AKAP19: variants seen among roughly 807,000 people sequenced by gnomAD.
The protein encoded by AKAP19 is small A-kinase anchoring protein.
the AKAP19 span, among the ~76,000 whole-genome samples, chr2:190,021,849 C>T: frequency 6.6e-6 from 1 of 152,112 alleles, no homozygotes; most frequent in Non-Finnish European, 1.5e-5. Context: ...TAACAGAATA[C>T]CTGAAGGTGG....
At chr2:190,197,531 C>A in the AKAP19 span, among the ~76,000 whole-genome samples, 2 of 152,192 alleles carry the variant, frequency 1.3e-5, no homozygotes, top group Non-Finnish European at 2.9e-5. This position sits in a 1 kb window ranked among gnomAD's most constrained non-coding sequence, Gnocchi z 4.0. Flanking sequence ...TAAATTCCAG[C>A]TGTTTTAGTA....
chr2:190,038,901 T>TTCTCCTTC, the AKAP19 span, among the ~76,000 whole-genome samples: 2 of 46,024 alleles, frequency 4.3e-5, no homozygotes, highest in Non-Finnish European at 9.1e-5. Context: ...TCTTTCTTTC[T>TTCTCCTTC]TTCTTCTTCT....
At chr2:189,915,621 G>A in the AKAP19 span, among the ~76,000 whole-genome samples, 2 of 152,152 alleles carry the variant, frequency 1.3e-5, no homozygotes, top group Non-Finnish European at 1.5e-5. Flanking sequence ...AGGGTTTTAA[G>A]ACTTCAAATT....
the AKAP19 span, among the ~76,000 whole-genome samples, chr2:190,140,616 C>T: frequency 6.6e-6 from 1 of 152,230 alleles, no homozygotes; most frequent in Non-Finnish European, 1.5e-5. Flanking sequence ...TTAGCCACAG[C>T]TGGGACACAG....
the AKAP19 span, among the ~76,000 whole-genome samples, chr2:189,998,298 T>A: frequency 6.6e-6 from 1 of 152,330 alleles, no homozygotes; most frequent in East Asian, 1.9e-4. Flanking sequence ...GGGAGCTGCA[T>A]GTTAGCCCTG....
At chr2:189,963,826 C>T in the AKAP19 span, among the ~76,000 whole-genome samples, 29 of 151,060 alleles carry the variant, frequency 1.9e-4, no homozygotes, top group African/African-American at 4.6e-4. Context: ...TGCAGTGGTG[C>T]GATCACAGCT....
the AKAP19 span, among the ~76,000 whole-genome samples, chr2:189,904,625 G>GA: frequency 6.6e-6 from 1 of 151,934 alleles, no homozygotes; most frequent in African/African-American, 2.4e-5. Context: ...TAAGATATTT[G>GA]AAAAGCAATT....
At chr2:190,038,938 T>TTCTTCTTCTTCTTCTTCC in the AKAP19 span, among the ~76,000 whole-genome samples, 15 of 137,864 alleles carry the variant, frequency 1.1e-4, no homozygotes, top group African/African-American at 3.3e-4. Context: ...CTTCTTCTTC[T>TTCTTCTTCTTCTTCTTCC]TCTTCTTCTT....
the AKAP19 span, among the ~76,000 whole-genome samples, chr2:190,078,890 A>G: frequency 6.6e-6 from 1 of 152,226 alleles, no homozygotes; most frequent in Admixed American, 6.5e-5. Flanking sequence ...AACTATTAGA[A>G]ATTAAATAAG....
the AKAP19 span, among the ~76,000 whole-genome samples, chr2:190,101,246 C>T: frequency 6.6e-6 from 1 of 152,192 alleles, no homozygotes; most frequent in Non-Finnish European, 1.5e-5. Context: ...AAGTGCCTCA[C>T]CACTAGGCCC....
chr2:189,931,391 G>A, the AKAP19 span, among the ~76,000 whole-genome samples: 14 of 152,036 alleles, frequency 9.2e-5, no homozygotes, highest in South Asian at 6.2e-4. Context: ...AGACAGAGTC[G>A]CACTCTGTCA....
the AKAP19 span, among the ~76,000 whole-genome samples, chr2:190,087,789 A>G: frequency 4.6e-5 from 7 of 152,240 alleles, no homozygotes; most frequent in Admixed American, 3.3e-4. Flanking sequence ...CCAATTGGTC[A>G]TGAAACCAAT....
At chr2:190,068,610 C>T in the AKAP19 span, among the ~76,000 whole-genome samples, 4 of 152,190 alleles carry the variant, frequency 2.6e-5, no homozygotes, top group Admixed American at 1.3e-4. Flanking sequence ...GCTGGGATTA[C>T]AGACGTGAGC....
At chr2:190,075,566 A>G in the AKAP19 span, among the ~76,000 whole-genome samples, 1 of 152,144 alleles carries the variant, frequency 6.6e-6, no homozygotes, top group African/African-American at 2.4e-5. Flanking sequence ...AATTAAATCA[A>G]CTCTAATCAT....
At chr2:190,164,548 G>T in the AKAP19 span, among the ~76,000 whole-genome samples, 1 of 151,840 alleles carries the variant, frequency 6.6e-6, no homozygotes, top group African/African-American at 2.4e-5. Context: ...AAATAAGTAA[G>T]TTAATTAATT....
At chr2:190,096,614 C>A in the AKAP19 span, among the ~76,000 whole-genome samples, 5 of 152,166 alleles carry the variant, frequency 3.3e-5, no homozygotes, top group Non-Finnish European at 7.3e-5. Flanking sequence ...ATTGACTCTG[C>A]TCTCATATTG....
chr2:189,915,361 A>G, the AKAP19 span, among the ~76,000 whole-genome samples: 1 of 152,154 alleles, frequency 6.6e-6, no homozygotes, highest in Non-Finnish European at 1.5e-5. Flanking sequence ...AATATCAGTT[A>G]TTATCAAAAC....
the AKAP19 span, among the ~76,000 whole-genome samples, chr2:189,902,076 A>G: frequency 1.3e-5 from 2 of 152,068 alleles, no homozygotes; most frequent in Non-Finnish European, 2.9e-5. Context: ...TTAGAACCAT[A>G]CTTTTTATAA....
At chr2:189,989,327 A>G in the AKAP19 span, among the ~76,000 whole-genome samples, 448 of 152,316 alleles carry the variant, frequency 2.9e-3, 5 homozygotes, top group African/African-American at 0.01. Flanking sequence ...AGCAGAACAA[A>G]TCACACAAAG....
Sources: allele counts gnomAD v4.1 joint callset (sites outside exome capture counted in the v4.1 genomes callset), GRCh38; gene constraint gnomAD v4.1.1; non-coding constraint Gnocchi (gnomAD v3.1); transcripts MANE v1.5; gene names NCBI Gene and HGNC (gene_info 2026-07-23, HGNC 2026-07-21).